Variants in KLHL29 observed in about 807,000 individuals in gnomAD.
KLHL29 encodes kelch-like protein 29.
A neutral mutation model predicts 80.4 loss-of-function variants in KLHL29; 21 were observed. The observed-to-expected ratio is 0.26, with a 90% CI of 0.19 to 0.38. The LOEUF is 0.38. KLHL29 is among the 10% of genes least tolerant of loss of function. The pLI is 1.00. For synonymous variants in KLHL29, 511 were observed against 526.8 expected, an observed-to-expected ratio of 0.97 and a Z score of 0.41; for missense variants, 867 against 1,223.9, an observed-to-expected ratio of 0.71 and a Z score of 4.35.
intron 1 of KLHL29, among the ~76,000 whole-genome samples, chr2:23,406,756 A>G (rs966704960): frequency 6.6e-6 from 1 of 152,138 alleles, no homozygotes; most frequent in Admixed American, 6.6e-5. Context: ...TAATATACCA[A>G]CCTCATGGGG....
chr2:23,626,101 T>TG (rs34951001), intron 3 of KLHL29, among the ~76,000 whole-genome samples: 52 of 151,778 alleles, frequency 3.4e-4, no homozygotes, highest in Non-Finnish European at 6.5e-4. Context: ...TAGGAGGAGT[T>TG]GGGGGGGCAG....
chr2:23,395,805 C>A (rs1451574976), intron 1 of KLHL29, among the ~76,000 whole-genome samples: 1 of 151,812 alleles, frequency 6.6e-6, no homozygotes, highest in Non-Finnish European at 1.5e-5. Context: ...GCCTTGGCAG[C>A]ATGATCCGTG....
intron 5 of KLHL29, among the ~76,000 whole-genome samples, chr2:23,658,306 C>T (rs1363234812): frequency 1.3e-5 from 2 of 152,112 alleles, no homozygotes; most frequent in Admixed American, 6.5e-5. Context: ...ACCCCCTGAG[C>T]CCTGGACACC....
In KLHL29 at chr2:23,684,753, T is replaced by G. The variant is rs1671188772; in HGVS notation, c.1079+216T>G. ...CCCAGCACCCGCCCCCACCCACAGC[T>G]TTGCTGTCACCAGCTTTGCTGGTCA... is the stretch of plus-strand genomic sequence containing the variant. On this transcript the variant is annotated intron_variant, in intron 6 of 13. Coordinates refer to ENST00000486442, the MANE Select transcript of KLHL29 (RefSeq NM_052920.2). The surrounding 1 kb of genome is among the most constrained non-coding windows in gnomAD (Gnocchi z 4.4). Among the ~76,000 whole-genome samples the G allele has an allele frequency of 6.9e-6, 1 of 144,666 alleles. No individual in the cohort carries two copies. The highest frequency in any genetic ancestry group is 1.9e-4 in the East Asian group (1 of 5,184). The allele number at this position is 144,666 out of a possible 152,430, so 94.9% of individuals were successfully genotyped here.
intron 3 of KLHL29, among the ~76,000 whole-genome samples, chr2:23,578,351 TCTAA>T (rs1288504003): frequency 6.6e-6 from 1 of 152,192 alleles, no homozygotes; most frequent in Non-Finnish European, 1.5e-5. Context: ...TCTCCCACTT[TCTAA>T]CTGTGTGACC....
intron 1 of KLHL29, among the ~76,000 whole-genome samples, chr2:23,424,234 C>CATAG (rs1299543539): frequency 6.6e-6 from 1 of 152,222 alleles, no homozygotes; most frequent in East Asian, 1.9e-4. Flanking sequence ...TAATTCCTTA[C>CATAG]ATAGTTTCCC....
At chr2:23,406,067 G>T (rs1414237435) in intron 1 of KLHL29, among the ~76,000 whole-genome samples, 1 of 152,086 alleles carries the variant, frequency 6.6e-6, no homozygotes, top group East Asian at 1.9e-4. Flanking sequence ...GGTGGCTCAC[G>T]CCTGTACTCC....
chr2:23,385,208 A>G lies in KLHL29; in HGVS notation c.-726A>G. On this transcript the variant is annotated 5_prime_UTR_variant, in exon 1 of 14. Coordinates refer to ENST00000486442, the MANE Select transcript of KLHL29 (RefSeq NM_052920.2). ...GGTACCCGGAGCGGAGCGAGCCAGAAGGGAGCATGGTCCCCGCGCCGCGGC... is the reference window on the plus strand; with the variant it reads ...GGTACCCGGAGCGGAGCGAGCCAGAGGGGAGCATGGTCCCCGCGCCGCGGC... 1 of 148,900 alleles carries G rather than the reference A, an allele frequency of 6.7e-6. No homozygotes were observed. Among genetic ancestry groups the G allele is most frequent in the Non-Finnish European group, 1.5e-5 (1 of 66,610 alleles). The allele number at this position is 148,900 out of a possible 1,614,324, so 9.2% of individuals were successfully genotyped here. A position where few individuals can be genotyped will look rare whatever the true frequency, so the allele number is the denominator to read the frequency against.
In KLHL29 at chr2:23,512,399, C is replaced by T. The variant is rs1164970209; in HGVS notation, c.-46+36732C>T. 2.0e-5 allele frequency among the ~76,000 whole-genome samples: 3 copies of T among 151,232 alleles called. No homozygotes were observed. In the East Asian group the frequency reaches 5.8e-4, roughly 29 times the overall value. On this transcript the variant is annotated intron_variant, in intron 2 of 13. Transcript: ENST00000486442. ...GGTGGAGGTTGCTGTGAGCAGAGAT[C>T]GCGCCATTGCACTCCAGCCTGGGCA...
chr2:23,423,375 G>A (rs188979113), intron 1 of KLHL29, among the ~76,000 whole-genome samples: 1 of 152,320 alleles, frequency 6.6e-6, no homozygotes, highest in African/African-American at 2.4e-5. Flanking sequence ...TTCACCGAAG[G>A]GGTCCCTTCC....
rs563290614 is a variant in KLHL29 at position 23,470,367 on chromosome 2, G to A, written c.-153-5193G>A. Among the ~76,000 whole-genome samples the A allele has an allele frequency of 2.7e-3, 416 of 152,286 alleles. 2 individuals are homozygous for A. Among genetic ancestry groups the A allele is most frequent in the Admixed American group, 6.9e-3 (105 of 15,296 alleles). ...AGGAGAAGGGTGACGGCAGCTGGAG[G>A]CCCAGGAACAAAAGCCTGGAATGGG... On this transcript the variant is annotated intron_variant, in intron 1 of 13. Coordinates refer to ENST00000486442, the MANE Select transcript of KLHL29 (RefSeq NM_052920.2).
chr2:23,670,928 CT>C (rs1284052756), intron 5 of KLHL29, among the ~76,000 whole-genome samples: 3 of 5,688 alleles, frequency 5.3e-4, no homozygotes, highest in South Asian at 0.018. Context: ...CTCTCTCTCT[CT>C]CTCTCTCTCT....
At chr2:23,602,623 T>C (rs1197489195) in intron 3 of KLHL29, among the ~76,000 whole-genome samples, 3 of 151,778 alleles carry the variant, frequency 2.0e-5, no homozygotes, top group Non-Finnish European at 4.4e-5. Context: ...ATTTTTTTTT[T>C]TTTTTTTTTT....
intron 2 of KLHL29, among the ~76,000 whole-genome samples, chr2:23,529,927 T>A (rs1358516862): frequency 1.3e-5 from 2 of 152,210 alleles, no homozygotes; most frequent in Non-Finnish European, 2.9e-5. Context: ...CCACGGCTTG[T>A]CACTCACCAA....
intron 1 of KLHL29, among the ~76,000 whole-genome samples, chr2:23,463,087 AG>A (rs1664258726): frequency 3.4e-5 from 5 of 148,848 alleles, no homozygotes; most frequent in Admixed American, 2.7e-4. Flanking sequence ...TTTTCAGTGT[AG>A]TTTTTTTTTT....
At chr2:23,430,893 T>C (rs1420262480) in intron 1 of KLHL29, among the ~76,000 whole-genome samples, 1 of 152,260 alleles carries the variant, frequency 6.6e-6, no homozygotes, top group Non-Finnish European at 1.5e-5. Context: ...GCTGTGTCTA[T>C]AAACTCCATT....
At chr2:23,502,486 G>A (rs1409683149) in intron 2 of KLHL29, among the ~76,000 whole-genome samples, 2 of 152,330 alleles carry the variant, frequency 1.3e-5, no homozygotes, top group Non-Finnish European at 2.9e-5. Context: ...CAGATTTTCT[G>A]GCCCCTAAGG....
intron 2 of KLHL29, among the ~76,000 whole-genome samples, chr2:23,480,498 AC>A (rs1225446710): frequency 2.6e-5 from 1 of 37,792 alleles, no homozygotes; most frequent in Non-Finnish European, 4.4e-5. Context: ...TCAAAAAAAA[AC>A]AAAAAAAAAC....
At chr2:23,517,138 G>T (rs1463597346) in intron 2 of KLHL29, among the ~76,000 whole-genome samples, 1 of 152,242 alleles carries the variant, frequency 6.6e-6, no homozygotes, top group Non-Finnish European at 1.5e-5. Flanking sequence ...GACGTGGAAG[G>T]CAGAGGCGCG....
Sources: gnomAD v4.1 joint callset for allele counts (sites outside exome capture counted in the v4.1 genomes callset) on GRCh38, gnomAD v4.1.1 for gene constraint, Gnocchi (gnomAD v3.1) non-coding constraint, MANE v1.5 for transcripts, NCBI Gene and HGNC (gene_info 2026-07-23, HGNC 2026-07-21) for gene names.